IQCE: variants seen among roughly 807,000 people sequenced by gnomAD.
IQCE encodes IQ motif containing E.
A neutral mutation model predicts 96.0 loss-of-function variants in IQCE; 115 were observed. The ratio of observed to expected loss-of-function variants is 1.20; its 90% CI spans 1.03 to 1.40. The LOEUF (loss-of-function observed/expected upper bound fraction) is 1.40, where lower values mean the gene tolerates loss of function less well. Ranked by LOEUF, IQCE falls within the 40% of genes most tolerant of loss-of-function variation. The pLI, the probability that IQCE is intolerant of heterozygous loss-of-function variation, is 0.00. For synonymous variants in IQCE, 412 were observed against 371.2 expected (o/e 1.11, Z -1.26); for missense variants, 1,041 against 909.1 (o/e 1.15, Z -1.87).
intron 13 of IQCE, among the ~76,000 whole-genome samples, chr7:2,589,475 C>T (rs946663468): frequency 3.9e-5 from 6 of 152,276 alleles, no homozygotes; most frequent in Admixed American, 2.0e-4. Flanking sequence ...GTCCAAGATC[C>T]GGGAGAGGCA....
chr7:2,566,011 T>C (rs1781345125), intron 1 of IQCE, among the ~76,000 whole-genome samples: 2 of 152,190 alleles, frequency 1.3e-5, no homozygotes, highest in Non-Finnish European at 2.9e-5. Context: ...CTATTAGCCT[T>C]GTAGAAAATA....
chr7:2,593,192 C>T, intron 15 of IQCE, 66 bp downstream of exon 15: 4 of 1,523,926 alleles, frequency 2.6e-6, no homozygotes, highest in Non-Finnish European at 3.6e-6. Flanking sequence ...CCACTGCGGC[C>T]CCCCGTGGCG....
intron 1 of IQCE, among the ~76,000 whole-genome samples, chr7:2,566,088 A>G (rs551490692): frequency 1.6e-4 from 24 of 152,362 alleles, no homozygotes; most frequent in African/African-American, 5.8e-4. Flanking sequence ...TACCAGGGAC[A>G]GGTAGCACAA....
intron 18 of IQCE, among the ~76,000 whole-genome samples, chr7:2,603,368 G>C (rs1784566735): frequency 6.6e-6 from 1 of 152,222 alleles, no homozygotes; most frequent in Non-Finnish European, 1.5e-5. Flanking sequence ...CTGGCGCCTG[G>C]CATGTGGGAG....
In IQCE at chr7:2,606,008, G is replaced by A. The variant is rs771207458; in HGVS notation, c.1865+11G>A. The A allele has an allele frequency of 6.2e-6, 10 of 1,604,410 alleles. No individual in the cohort carries two copies. The highest frequency in any genetic ancestry group is 2.3e-5 in the East Asian group (1 of 44,018). On this transcript the variant is annotated intron_variant, in intron 20 of 21. Coordinates refer to ENST00000402050, the MANE Select transcript of IQCE (RefSeq NM_152558.5). Reference sequence around the variant, plus strand: ...CCGGGCCAGGCACAGGTGAGTCAGGGTCACGGGGACGTGGGACACAGACAT... The same window carrying A: ...CCGGGCCAGGCACAGGTGAGTCAGGATCACGGGGACGTGGGACACAGACAT...
chr7:2,602,385 G>A (rs1784493805), intron 18 of IQCE, among the ~76,000 whole-genome samples: 1 of 152,192 alleles, frequency 6.6e-6, no homozygotes, highest in Non-Finnish European at 1.5e-5. Context: ...TTATTTTGCT[G>A]GAGTCCTGGT....
At chr7:2,562,120 A>G (rs934252586) in intron 1 of IQCE, among the ~76,000 whole-genome samples, 4 of 152,096 alleles carry the variant, frequency 2.6e-5, no homozygotes, top group African/African-American at 9.7e-5. Flanking sequence ...ATTTTGTCAA[A>G]CATACCTTCT....
chr7:2,567,559 G>A (rs1342751387), intron 2 of IQCE, among the ~76,000 whole-genome samples: 2 of 152,246 alleles, frequency 1.3e-5, no homozygotes, highest in Admixed American at 1.3e-4. Context: ...CTGCTGCCTG[G>A]CCTCCCAGCC....
chr7:2,559,473 C>CGCCACCA (rs1780755687), intron 1 of IQCE: 1 of 253,500 alleles, frequency 3.9e-6, no homozygotes, highest in Non-Finnish European at 7.5e-6. Context: ...GCGCCCTCGC[C>CGCCACCA]TCTGGGCGCC....
chr7:2,561,719 C>G (rs1780980108), intron 1 of IQCE, among the ~76,000 whole-genome samples: 1 of 152,170 alleles, frequency 6.6e-6, no homozygotes, highest in South Asian at 2.1e-4. Flanking sequence ...CCACGTCCGG[C>G]CTTACAATAA....
intron 6 of IQCE, among the ~76,000 whole-genome samples, chr7:2,576,057 C>T (rs1041573070): frequency 6.6e-6 from 1 of 152,224 alleles, no homozygotes; most frequent in South Asian, 2.1e-4. Flanking sequence ...TGAGTACCGG[C>T]TTGCTATCAT....
In IQCE at chr7:2,593,402, C is replaced by G. The variant is rs534165498; in HGVS notation, c.1349+276C>G. ...CTTCCCAACCAGCTGTCACACTGGC[C>G]TCTGGTCAGAACCACCCAGGTGTGG... On this transcript the variant is annotated intron_variant, in intron 15 of 21. Coordinates refer to ENST00000402050, the MANE Select transcript of IQCE (RefSeq NM_152558.5). Among the ~76,000 whole-genome samples the G allele has an allele frequency of 1.1e-4, 17 of 152,392 alleles. No homozygotes were observed. The East Asian group carries it at 3.1e-3, about 28-fold the overall frequency.
chr7:2,572,408 G>C (rs369921546), intron 5 of IQCE, 82 bp downstream of exon 5: 26 of 1,431,610 alleles, frequency 1.8e-5, no homozygotes, highest in Admixed American at 2.4e-5. Flanking sequence ...GGCGTCCTTC[G>C]TCAGAGCAGG....
chr7:2,559,778 G>A (rs1052495969), intron 1 of IQCE, among the ~76,000 whole-genome samples: 5 of 124,282 alleles, frequency 4.0e-5, no homozygotes, highest in African/African-American at 1.4e-4. Context: ...GGGGGGGGGG[G>A]GGGGCGGAGG....
chr7:2,561,489 C>T (rs796770608), intron 1 of IQCE, among the ~76,000 whole-genome samples: 55 of 150,114 alleles, frequency 3.7e-4, no homozygotes, highest in African/African-American at 1.2e-3. Flanking sequence ...GGCGCGATCT[C>T]GGCTCACTGC....
intron 6 of IQCE, among the ~76,000 whole-genome samples, chr7:2,577,235 G>T (rs1782196698): frequency 6.6e-6 from 1 of 152,224 alleles, no homozygotes; most frequent in Admixed American, 6.5e-5. Flanking sequence ...TGTGTGCAGT[G>T]GTGTGTGCAT....
At chr7:2,566,975 G>A (rs911299242) in intron 1 of IQCE, 141 bp from the exon 2 acceptor site, 30 of 686,478 alleles carry the variant, frequency 4.4e-5, no homozygotes, top group South Asian at 2.3e-4. Flanking sequence ...CCCAGCTGGA[G>A]TGTTCTGAGT....
intron 18 of IQCE, among the ~76,000 whole-genome samples, chr7:2,602,190 C>A (rs1280969046): frequency 6.6e-6 from 1 of 152,178 alleles, no homozygotes; most frequent in African/African-American, 2.4e-5. Flanking sequence ...TCAGAGCTCA[C>A]TGGACCGGGA....
chr7:2,613,336 C>T lies in IQCE; in HGVS notation c.*3174C>T, dbSNP rs984291741. ...AACTCCTCCCCTAGAGGCCTATTCC[C>T]GCTGCTCACAGACCTCAGCAGAGGC... On this transcript the variant is annotated 3_prime_UTR_variant, in exon 22 of 22. Transcript: ENST00000402050. The T allele has an allele frequency of 2.6e-4, 39 of 152,454 alleles. No individual in the cohort carries two copies. The highest frequency in any genetic ancestry group is 8.9e-4 in the African/African-American group (37 of 41,458). 9.4% of individuals were successfully genotyped at this position (152,454 alleles called of 1,614,324 possible).
Sources: gnomAD v4.1 joint callset for allele counts (sites outside exome capture counted in the v4.1 genomes callset) on GRCh38, gnomAD v4.1.1 for gene constraint, MANE v1.5 for transcripts, NCBI Gene and HGNC (gene_info 2026-07-23, HGNC 2026-07-21) for gene names.